TUT4: variants seen among roughly 807,000 people sequenced by gnomAD.
TUT4 encodes the protein terminal uridylyl transferase 4.
Under a neutral mutation model 192.2 loss-of-function variants are expected in TUT4, and 36 were observed. The observed-to-expected ratio is 0.19, with a 90% CI of 0.14 to 0.25. The LOEUF is 0.25. TUT4 is among the 10% of genes least tolerant of loss of function. The pLI is 1.00. For missense variants in TUT4, 1,493 were observed against 1,957.2 expected, an observed-to-expected ratio of 0.76 and a Z score of 4.47; for synonymous variants, 618 against 666.0, an observed-to-expected ratio of 0.93 and a Z score of 1.11.
intron 12 of TUT4, among the ~76,000 whole-genome samples, chr1:52,475,993 C>T (rs929019823): frequency 3.9e-5 from 6 of 151,936 alleles, no homozygotes; most frequent in African/African-American, 1.2e-4. Flanking sequence ...TACAGGTACA[C>T]GCCACCACGC....
At chr1:52,507,277 T>A (rs1675867040) in intron 4 of TUT4, among the ~76,000 whole-genome samples, 1 of 152,226 alleles carries the variant, frequency 6.6e-6, no homozygotes, top group Non-Finnish European at 1.5e-5. Context: ...TTAGTTACAC[T>A]GTCCTGTGAA....
intron 1 of TUT4, among the ~76,000 whole-genome samples, chr1:52,542,104 T>C (rs1686854794): frequency 6.6e-6 from 1 of 152,134 alleles, no homozygotes; most frequent in South Asian, 2.1e-4. Context: ...ACAACAAATA[T>C]TATATGAGTC....
At chr1:52,536,263 A>G (rs1322258161) in intron 1 of TUT4, among the ~76,000 whole-genome samples, 1 of 152,228 alleles carries the variant, frequency 6.6e-6, no homozygotes, top group Admixed American at 6.5e-5. Context: ...GATGAGTAGG[A>G]GCAGAGTATT....
intron 22 of TUT4, 102 bp downstream of exon 22, chr1:52,446,163 A>G: frequency 7.2e-7 from 1 of 1,381,932 alleles, no homozygotes; most frequent in South Asian, 1.4e-5. Context: ...AAAACTGATA[A>G]AAGAGGAAGA....
chr1:52,495,624 C>G, intron 5 of TUT4, 109 bp from the exon 6 acceptor site: 1 of 649,930 alleles, frequency 1.5e-6, no homozygotes, highest in Non-Finnish European at 2.6e-6. Context: ...TCTTCCATTT[C>G]TAGTAAGACA....
At chr1:52,449,814 C>T (rs540327684) in intron 20 of TUT4, among the ~76,000 whole-genome samples, 1 of 152,196 alleles carries the variant, frequency 6.6e-6, no homozygotes, top group African/African-American at 2.4e-5. Flanking sequence ...GCAACCACCA[C>T]TCTACTTTCT....
At chr1:52,464,984 T>C in intron 16 of TUT4, 86 bp downstream of exon 16, 5 of 1,046,318 alleles carry the variant, frequency 4.8e-6, no homozygotes, top group South Asian at 1.8e-5. Flanking sequence ...TGATACCACA[T>C]TTTTATCAAT....
chr1:52,513,414 A>AAAAAAAAAAAAAAAAAAAAAAAAT (rs1677822763), intron 3 of TUT4, among the ~76,000 whole-genome samples: 1 of 142,928 alleles, frequency 7.0e-6, no homozygotes, highest in African/African-American at 2.7e-5. Context: ...AAAAAAAAAA[A>AAAAAAAAAAAAAAAAAAAAAAAAT]GTACAATGAA....
At chr1:52,531,884 T>C (rs1683520475) in intron 1 of TUT4, among the ~76,000 whole-genome samples, 1 of 132,924 alleles carries the variant, frequency 7.5e-6, no homozygotes. Context: ...TCTTTTCTCA[T>C]CTTTTTTTTT....
In TUT4 at chr1:52,425,429, G is replaced by A. The variant is rs763568211; in HGVS notation, c.4790C>T (p.Ser1597Leu). Reference sequence around the variant, plus strand: ...GTTTTGATGCAAACCATAAGGCCACGAAGCTGGGACAAGGGGGAAATGGGG... The same window carrying A: ...GTTTTGATGCAAACCATAAGGCCACAAAGCTGGGACAAGGGGGAAATGGGG... Reference protein sequence around the residue: ...PRPHFPLVPASWPYGLHQNFM... With the variant: ...PRPHFPLVPALWPYGLHQNFM... The change falls in exon 29 of 30, where the codon TCG becomes TTG. Residue 1597 changes from serine to leucine, a missense_variant. Physicochemically the swap from Ser to Leu is moderately radical, Grantham distance 145. Transcript: ENST00000257177. 9.3e-6 allele frequency: 15 copies of A among 1,614,036 alleles called. No individual in the cohort carries two copies. The highest frequency in any genetic ancestry group is 4.4e-5 in the South Asian group (4 of 91,066).
chr1:52,531,926 C>G (rs563570181), intron 1 of TUT4, among the ~76,000 whole-genome samples: 1,611 of 130,698 alleles, frequency 0.012, 42 homozygotes, highest in African/African-American at 0.046. Context: ...AGACAGAATC[C>G]CACTCTGCTG....
chr1:52,424,096 C>A lies in TUT4; in HGVS notation c.4871-94G>T. On this transcript the variant is annotated intron_variant, in intron 29 of 29. Transcript: ENST00000257177. ...AACTTGTAGTTAGCTTTCTTTTTTT[C>A]TATTTATATAATAGGAGGTGATAAA... The A allele has an allele frequency of 4.6e-6, 6 of 1,290,950 alleles. No individual in the cohort carries two copies. In the South Asian group the frequency reaches 7.8e-5, roughly 17 times the overall value. 80.0% of individuals were successfully genotyped at this position (1,290,950 alleles called of 1,614,324 possible). A position where few individuals can be genotyped will look rare whatever the true frequency, so the allele number is the denominator to read the frequency against.
At chr1:52,499,845 C>A (rs373041303) in intron 4 of TUT4, among the ~76,000 whole-genome samples, 5 of 151,054 alleles carry the variant, frequency 3.3e-5, no homozygotes, top group African/African-American at 1.2e-4. Flanking sequence ...CAGAGGTGGG[C>A]GGATCACTTG....
At position 52,495,565 on chromosome 1, in the gene TUT4, A is replaced by C. The variant is rs1672244495; in HGVS notation, c.1178-50T>G. On this transcript the variant is annotated intron_variant, in intron 5 of 29. Coordinates refer to ENST00000257177, the MANE Select transcript of TUT4 (RefSeq NM_001009881.3). ...GCATGAAATAGCATGCAAATATGAG[A>C]GATGTAAAAAAACAGCGACGGGAAA... 2.1e-6 allele frequency: 3 copies of C among 1,422,728 alleles called. No homozygotes were observed. The East Asian group carries it at 6.9e-5, about 33-fold the overall frequency. 88.1% of individuals were successfully genotyped at this position (1,422,728 alleles called of 1,614,324 possible).
At chr1:52,449,738 G>A (rs1658790951) in intron 20 of TUT4, among the ~76,000 whole-genome samples, 2 of 152,064 alleles carry the variant, frequency 1.3e-5, no homozygotes, top group South Asian at 2.1e-4. Context: ...CTTATCATCT[G>A]GTAAAACTAA....
At chr1:52,439,298 T>G (rs542551764) in intron 24 of TUT4, among the ~76,000 whole-genome samples, 9 of 152,286 alleles carry the variant, frequency 5.9e-5, no homozygotes, top group African/African-American at 2.2e-4. Context: ...GAAATATGAT[T>G]GGATTTAATA....
chr1:52,461,491 T>C lies in TUT4; in HGVS notation c.3231+22A>G, dbSNP rs749685420. 11 of 1,590,496 alleles carry C rather than the reference T, an allele frequency of 6.9e-6. No homozygotes were observed. In the Admixed American group the frequency reaches 1.5e-4, roughly 22 times the overall value. Reference sequence around the variant, plus strand: ...ACTTTTAAAATGAAAAGTATATACATGGCCTATAAAGATAAACTTACCAAC... The same window carrying C: ...ACTTTTAAAATGAAAAGTATATACACGGCCTATAAAGATAAACTTACCAAC... On this transcript the variant is annotated intron_variant, in intron 18 of 29. Transcript: ENST00000257177.
chr1:52,527,332 G>A (rs1031942236), intron 1 of TUT4, among the ~76,000 whole-genome samples: 1 of 152,148 alleles, frequency 6.6e-6, no homozygotes, highest in East Asian at 1.9e-4. Context: ...CGGATCACGA[G>A]GTCAGGAGTT....
chr1:52,512,553 T>C (rs963191920), intron 3 of TUT4, among the ~76,000 whole-genome samples: 9 of 152,216 alleles, frequency 5.9e-5, no homozygotes, highest in Non-Finnish European at 1.0e-4. Context: ...GCAAGGCACA[T>C]ATTGGGCACA....
Sources: gnomAD v4.1 joint callset for allele counts (sites outside exome capture counted in the v4.1 genomes callset) on GRCh38, gnomAD v4.1.1 for gene constraint, MANE v1.5 for transcripts, NCBI Gene and HGNC (gene_info 2026-07-23, HGNC 2026-07-21) for gene names.